The following PCMT1 variants were observed in gnomAD, a reference collection of about 807,000 sequenced individuals.
PCMT1 encodes the protein protein-L-isoaspartate (D-aspartate) O-methyltransferase.
Under a neutral mutation model 29.2 loss-of-function variants are expected in PCMT1, and 9 were observed. That is an observed-to-expected ratio of 0.31 (90% CI 0.19 to 0.54). The LOEUF is 0.54. Among genes scored for constraint, PCMT1 ranks in the 20% least tolerant of loss-of-function variants. The pLI, the probability that PCMT1 is intolerant of heterozygous loss-of-function variation, is 0.95. For missense variants in PCMT1, 184 were observed against 282.2 expected (o/e 0.65, Z 2.49); for synonymous variants, 98 against 97.5 (o/e 1.00, Z -0.03).
intron 7 of PCMT1, among the ~76,000 whole-genome samples, chr6:149,803,455 T>C (rs1016231909): frequency 6.9e-6 from 1 of 144,042 alleles, no homozygotes; most frequent in Non-Finnish European, 1.6e-5. Context: ...ATAAAGAATG[T>C]CCACTTTTGT....
At chr6:149,787,321 AG>A (rs1788156597) in intron 3 of PCMT1, among the ~76,000 whole-genome samples, 1 of 138,030 alleles carries the variant, frequency 7.2e-6, no homozygotes, top group African/African-American at 2.6e-5. Flanking sequence ...GGAGAGGGAG[AG>A]GGAGCGGGAG....
intron 3 of PCMT1, among the ~76,000 whole-genome samples, chr6:149,775,047 G>A (rs1787504634): frequency 6.6e-6 from 1 of 151,980 alleles, no homozygotes; most frequent in South Asian, 2.1e-4. Flanking sequence ...GTTTCACCTT[G>A]TTGGCCAGGC....
At chr6:149,757,026 G>A (rs1786537337) in intron 1 of PCMT1, among the ~76,000 whole-genome samples, 1 of 151,936 alleles carries the variant, frequency 6.6e-6, no homozygotes, top group African/African-American at 2.4e-5. Flanking sequence ...ATGGTGACAG[G>A]AGCCTATAAT....
chr6:149,790,836 C>T (rs1788335281), intron 4 of PCMT1, among the ~76,000 whole-genome samples: 2 of 152,106 alleles, frequency 1.3e-5, no homozygotes, highest in Non-Finnish European at 2.9e-5. Context: ...TGGTGAAACC[C>T]CATCTCTACT....
At position 149,794,717 on chromosome 6, in the gene PCMT1, C is replaced by T. The variant is rs567549624; in HGVS notation, c.418+1048C>T. The T allele has an allele frequency of 7.0e-6, 3 of 427,816 alleles. No individual in the cohort carries two copies. The East Asian group carries it at 2.1e-4, about 30-fold the overall frequency. The allele number at this position is 427,816 out of a possible 1,614,324, so 26.5% of individuals were successfully genotyped here. The stretch of plus-strand genomic sequence containing the variant: ...AGGAGGAAGTGGAGGTGTTGCTTGC[C>T]TTGGCCTTTGCCCTGATCCTGTGTG... On this transcript the variant is annotated intron_variant, in intron 5 of 7. Transcript: ENST00000464889.
chr6:149,769,130 T>G (rs556941489), intron 1 of PCMT1, among the ~76,000 whole-genome samples: 3 of 152,184 alleles, frequency 2.0e-5, no homozygotes, highest in Non-Finnish European at 2.9e-5. Flanking sequence ...CTTTTTACAT[T>G]AGATTTGAAT....
intron 7 of PCMT1, among the ~76,000 whole-genome samples, chr6:149,809,621 T>A (rs1338413041): frequency 2.6e-5 from 4 of 152,188 alleles, no homozygotes; most frequent in Admixed American, 2.6e-4. Flanking sequence ...ACTTGTGAAA[T>A]TATGAGCTCT....
At chr6:149,759,001 C>T (rs905679188) in intron 1 of PCMT1, among the ~76,000 whole-genome samples, 5 of 152,240 alleles carry the variant, frequency 3.3e-5, no homozygotes, top group Middle Eastern at 3.4e-3. Context: ...CTCAGCCTCC[C>T]GAATAGCTGG....
At chr6:149,800,087 G>C (rs1383312686) in intron 6 of PCMT1, among the ~76,000 whole-genome samples, 1 of 152,124 alleles carries the variant, frequency 6.6e-6, no homozygotes, top group Non-Finnish European at 1.5e-5. Flanking sequence ...TATAAGCCTT[G>C]AAATTGAGAA....
chr6:149,803,052 CAAAAAAAAAAAAAAAA>C (rs60853264), intron 7 of PCMT1, among the ~76,000 whole-genome samples: 2 of 70,570 alleles, frequency 2.8e-5, no homozygotes, highest in African/African-American at 4.9e-5. Flanking sequence ...GGCTCTGTCT[CAAAAAAAAAAAAAAAA>C]AAAAAAAAAA....
At position 149,749,813 on chromosome 6, in the gene PCMT1, T is replaced by G; in HGVS notation, c.-89T>G. Reference sequence around the variant, plus strand: ...GGGGACGCGAGCGGGGCGGTGACGGTGTGGGAGGTGGTCTCACTCTTGGGA... The same window carrying G: ...GGGGACGCGAGCGGGGCGGTGACGGGGTGGGAGGTGGTCTCACTCTTGGGA... On this transcript the variant is annotated 5_prime_UTR_variant, in exon 1 of 8. Transcript: ENST00000464889. The G allele has an allele frequency of 1.3e-6, 2 of 1,554,364 alleles. No individual in the cohort carries two copies. Among genetic ancestry groups the G allele is most frequent in the South Asian group, 2.4e-5 (2 of 84,432 alleles).
rs1241141358 is a variant in PCMT1, at chr6:149,762,847, GATATATATCTATGAT to G, written c.56-8293_56-8279del. 2.4e-3 allele frequency among the ~76,000 whole-genome samples: 89 copies of G among 37,786 alleles called. 17 individuals are homozygous for G. The highest frequency in any genetic ancestry group is 3.8e-3 in the South Asian group (5 of 1,314). The allele number at this position is 37,786 out of a possible 152,430, so 24.8% of individuals were successfully genotyped here. On this transcript the variant is annotated intron_variant, in intron 1 of 7. Coordinates refer to ENST00000464889, the MANE Select transcript of PCMT1 (RefSeq NM_001360452.2). ...TGATATATATGATATATATATCTAT[GATATATATCTATGAT>G]ATATATATCTATGATATATATGTTA...
intron 3 of PCMT1, among the ~76,000 whole-genome samples, chr6:149,777,840 C>T (rs1787635833): frequency 2.3e-5 from 1 of 43,018 alleles, no homozygotes; most frequent in African/African-American, 2.0e-4. Flanking sequence ...TTCTTTTTCT[C>T]CTTCCTTCCT....
In PCMT1 at chr6:149,789,987, T is replaced by C. The variant is rs200611599; in HGVS notation, c.226T>C (p.Leu76=). The C allele has an allele frequency of 7.0e-5, 113 of 1,610,242 alleles. No individual in the cohort carries two copies. Among genetic ancestry groups the C allele is most frequent in the Non-Finnish European group, 9.3e-5 (110 of 1,178,924 alleles). ...AYALELLFDQ[L]HEGAKALDVG... ...TGCGCTAGAACTTCTATTTGATCAGTTGCATGAAGGAGCTAAAGCTCTTGA... is the reference window on the plus strand; with the variant it reads ...TGCGCTAGAACTTCTATTTGATCAGCTGCATGAAGGAGCTAAAGCTCTTGA... The change falls in exon 4 of 8, where the codon TTG becomes CTG. Residue 76 remains leucine, a synonymous_variant. Coordinates refer to ENST00000464889, the MANE Select transcript of PCMT1 (RefSeq NM_001360452.2).
chr6:149,805,891 A>C (rs1045701901), intron 7 of PCMT1, among the ~76,000 whole-genome samples: 1 of 150,972 alleles, frequency 6.6e-6, no homozygotes, highest in African/African-American at 2.4e-5. Flanking sequence ...CATTGAGCCT[A>C]CATTGTGCCA....
chr6:149,783,710 C>G (rs1787907949), intron 3 of PCMT1, among the ~76,000 whole-genome samples: 2 of 151,858 alleles, frequency 1.3e-5, no homozygotes, highest in African/African-American at 4.8e-5. Flanking sequence ...TTTTCTCCCC[C>G]CTGAGACAGG....
chr6:149,802,124 G>A, intron 6 of PCMT1, 76 bp from the exon 7 acceptor site: 1 of 1,094,548 alleles, frequency 9.1e-7, no homozygotes, highest in Non-Finnish European at 1.3e-6. Flanking sequence ...GTGAGACCCT[G>A]TCTCAAAAAT....
At chr6:149,749,730 G>A (rs939475382), upstream of PCMT1, 30 of 1,543,610 alleles carry the variant, frequency 1.9e-5, no homozygotes, top group African/African-American at 2.7e-5. Flanking sequence ...CGCGGGGGAT[G>A]CCGGGAGCGC....
At chr6:149,786,040 A>C (rs1232500403) in intron 3 of PCMT1, among the ~76,000 whole-genome samples, 1 of 123,550 alleles carries the variant, frequency 8.1e-6, no homozygotes, top group Non-Finnish European at 1.7e-5. Context: ...CGGGGGGCTG[A>C]CCCCCCCACC....
Sources: allele counts gnomAD v4.1 joint callset (sites outside exome capture counted in the v4.1 genomes callset), GRCh38; gene constraint gnomAD v4.1.1; transcripts MANE v1.5; gene names NCBI Gene and HGNC (gene_info 2026-07-23, HGNC 2026-07-21).